Variants in ADAM23 observed in about 807,000 individuals in gnomAD.
The protein encoded by ADAM23 is disintegrin and metalloproteinase domain-containing protein 23.
ADAM23 carries 33 observed loss-of-function variants against 120.1 expected under a neutral mutation model. That is an observed-to-expected ratio of 0.27 (90% CI 0.21 to 0.37). The LOEUF (loss-of-function observed/expected upper bound fraction) is 0.37. ADAM23 is among the 10% of genes least tolerant of loss of function. The pLI is 1.00. For synonymous variants in ADAM23, 367 were observed against 375.2 expected (o/e 0.98, Z 0.25); for missense variants, 862 against 1,058.2 (o/e 0.81, Z 2.57).
At position 206,445,525 on chromosome 2, in the gene ADAM23, G is replaced by T; in HGVS notation, c.432+1G>T. ...AAGACACCAGCAAAAACATAATAAG[G>T]TAGGCAGGAGGCTGGCTATGCAAAA... On this transcript the variant is annotated splice_donor_variant, in intron 2 of 25. Coordinates refer to ENST00000264377, the MANE Select transcript of ADAM23 (RefSeq NM_003812.4). LOFTEE classifies it high-confidence loss of function. The T allele has an allele frequency of 6.2e-7, 1 of 1,609,684 alleles. No individual in the cohort carries two copies. The highest frequency in any genetic ancestry group is 8.5e-7 in the Non-Finnish European group (1 of 1,178,008).
intron 4 of ADAM23, among the ~76,000 whole-genome samples, chr2:206,533,061 C>G (rs1697099650): frequency 1.3e-5 from 2 of 152,056 alleles, no homozygotes; most frequent in Admixed American, 6.6e-5. Flanking sequence ...AAATAAACTT[C>G]ATGAAGATTG....
intron 4 of ADAM23, among the ~76,000 whole-genome samples, chr2:206,531,347 G>A (rs1208199337): frequency 1.3e-5 from 2 of 152,142 alleles, no homozygotes; most frequent in African/African-American, 4.8e-5. Flanking sequence ...GGACAGGTGG[G>A]GGAAGTGAGA....
At chr2:206,616,528 T>C (rs1385723808) in intron 25 of ADAM23, among the ~76,000 whole-genome samples, 1 of 152,222 alleles carries the variant, frequency 6.6e-6, no homozygotes, top group Non-Finnish European at 1.5e-5. Flanking sequence ...ATAAGAACTT[T>C]GCAGGATGCC....
At chr2:206,595,194 C>A (rs965767904) in intron 23 of ADAM23, among the ~76,000 whole-genome samples, 2 of 152,016 alleles carry the variant, frequency 1.3e-5, no homozygotes, top group Non-Finnish European at 2.9e-5. Flanking sequence ...ACAACAACAA[C>A]AAAAAAGGCC....
intron 15 of ADAM23, among the ~76,000 whole-genome samples, chr2:206,570,194 C>T (rs1462677857): frequency 1.3e-5 from 2 of 152,144 alleles, no homozygotes; most frequent in Non-Finnish European, 2.9e-5. Flanking sequence ...GTGTCTTATG[C>T]TTGCAGACAC....
At chr2:206,617,435 T>C in intron 25 of ADAM23, 144 bp from the exon 26 acceptor site, 1 of 815,098 alleles carries the variant, frequency 1.2e-6, no homozygotes, top group South Asian at 2.8e-5. Context: ...TCAAGTTATT[T>C]TGGAGACTGC....
At chr2:206,585,831 A>C (rs1698311417) in intron 18 of ADAM23, among the ~76,000 whole-genome samples, 1 of 152,180 alleles carries the variant, frequency 6.6e-6, no homozygotes, top group Non-Finnish European at 1.5e-5. Context: ...AGAAAAAAAA[A>C]CAAAGAAAAA....
At chr2:206,573,271 A>G (rs1698041613) in intron 18 of ADAM23, 76 bp downstream of exon 18, 3 of 1,389,090 alleles carry the variant, frequency 2.2e-6, no homozygotes, top group Non-Finnish European at 3.1e-6. Flanking sequence ...GCTTGGGGCC[A>G]GAAGTGTTTC....
chr2:206,541,176 A>G (rs1437981053), intron 4 of ADAM23, among the ~76,000 whole-genome samples: 1 of 151,590 alleles, frequency 6.6e-6, no homozygotes, highest in African/African-American at 2.4e-5. Context: ...CAAGAAAAAA[A>G]TAAAAATAAA....
At chr2:206,462,610 C>G (rs1006307095) in intron 2 of ADAM23, among the ~76,000 whole-genome samples, 1 of 152,024 alleles carries the variant, frequency 6.6e-6, no homozygotes, top group African/African-American at 2.4e-5. Flanking sequence ...TGTCTTCTGC[C>G]CCTGGGGAGA....
At chr2:206,490,274 G>A (rs1344353835) in intron 3 of ADAM23, among the ~76,000 whole-genome samples, 2 of 152,152 alleles carry the variant, frequency 1.3e-5, no homozygotes, top group African/African-American at 4.8e-5. Context: ...GAACTGTGAG[G>A]AAATACATTT....
At chr2:206,477,596 A>G (rs1004691888) in intron 2 of ADAM23, among the ~76,000 whole-genome samples, 3 of 152,116 alleles carry the variant, frequency 2.0e-5, no homozygotes, top group Non-Finnish European at 2.9e-5. Context: ...ATTATGACCT[A>G]ATATGTGGTT....
chr2:206,534,544 T>C (rs1697134030), intron 4 of ADAM23, among the ~76,000 whole-genome samples: 1 of 152,178 alleles, frequency 6.6e-6, no homozygotes, highest in Non-Finnish European at 1.5e-5. Context: ...AAGTACTATA[T>C]ATTTGTTGAC....
In ADAM23 at chr2:206,620,647, T is replaced by C. The variant is rs1699037945; in HGVS notation, c.*3020T>C. On this transcript the variant is annotated 3_prime_UTR_variant, in exon 26 of 26. Coordinates refer to ENST00000264377, the MANE Select transcript of ADAM23 (RefSeq NM_003812.4). ...TTTCACCTGCTCTACTTTTGCTGCA[T>C]TAATTAATGACACCCGGATGAGGAG... 1 of 152,186 alleles carries C rather than the reference T, an allele frequency of 6.6e-6. No homozygotes were observed. The highest frequency in any genetic ancestry group is 1.5e-5 in the Non-Finnish European group (1 of 68,034). 9.4% of individuals were successfully genotyped at this position (152,186 alleles called of 1,614,324 possible).
chr2:206,531,001 GTT>G, intron 4 of ADAM23, 53 bp downstream of exon 4: 1 of 1,482,406 alleles, frequency 6.7e-7, no homozygotes, highest in Non-Finnish European at 9.4e-7. Context: ...TTATCATAGA[GTT>G]GATCAGTGCA....
chr2:206,499,530 C>T (rs1475346096), intron 3 of ADAM23, among the ~76,000 whole-genome samples: 1 of 151,106 alleles, frequency 6.6e-6, no homozygotes. Flanking sequence ...AGGAGATATA[C>T]CTAATGCTAA....
intron 2 of ADAM23, among the ~76,000 whole-genome samples, chr2:206,468,317 A>G (rs185923573): frequency 2.9e-3 from 445 of 152,134 alleles, no homozygotes; most frequent in South Asian, 0.012. Flanking sequence ...GTTTCAGTTC[A>G]TTTCTTGACT....
chr2:206,532,949 T>C (rs1480958162), intron 4 of ADAM23, among the ~76,000 whole-genome samples: 1 of 152,042 alleles, frequency 6.6e-6, no homozygotes, highest in Non-Finnish European at 1.5e-5. Context: ...TACAATTTTT[T>C]AACACTCTTC....
At chr2:206,485,820 G>A (rs1696000484) in intron 3 of ADAM23, among the ~76,000 whole-genome samples, 1 of 152,090 alleles carries the variant, frequency 6.6e-6, no homozygotes, top group Non-Finnish European at 1.5e-5. Context: ...CTGGAGGTGG[G>A]GTGTCCAGCA....
Sources: allele counts gnomAD v4.1 joint callset (sites outside exome capture counted in the v4.1 genomes callset), GRCh38; gene constraint gnomAD v4.1.1; transcripts MANE v1.5; gene names NCBI Gene and HGNC (gene_info 2026-07-23, HGNC 2026-07-21).